The following MPP7 variants were observed in gnomAD, a reference collection of about 807,000 sequenced individuals.
MPP7 encodes MAGUK p55 scaffold protein 7.
MPP7 carries 60 observed loss-of-function variants against 76.5 expected under a neutral mutation model. The observed-to-expected ratio is 0.78, with a 90% CI of 0.64 to 0.97. The LOEUF is 0.97. MPP7 is among the 50% of genes least tolerant of loss of function. The pLI is 0.00. For synonymous variants in MPP7, 237 were observed against 244.5 expected (o/e 0.97, Z 0.29); for missense variants, 641 against 694.0 (o/e 0.92, Z 0.86).
chr10:28,116,210 A>T (rs1194341281), intron 11 of MPP7, among the ~76,000 whole-genome samples: 2 of 152,194 alleles, frequency 1.3e-5, no homozygotes, highest in African/African-American at 4.8e-5. Context: ...ATTTGATGTC[A>T]TTAGGAAGAC....
At chr10:28,152,332 C>T (rs7920803) in intron 3 of MPP7, among the ~76,000 whole-genome samples, 65,190 of 151,896 alleles carry the variant, frequency 0.43, 17,880 homozygotes, top group East Asian at 0.92. Flanking sequence ...TTTACTTTAC[C>T]GCATCATTTT....
chr10:28,195,261 C>T (rs918368391), intron 3 of MPP7, among the ~76,000 whole-genome samples: 2 of 152,128 alleles, frequency 1.3e-5, no homozygotes, highest in African/African-American at 4.8e-5. Flanking sequence ...GGTGAAGATA[C>T]AGACAAATCA....
intron 2 of MPP7, among the ~76,000 whole-genome samples, chr10:28,232,473 A>G (rs2134115796): frequency 6.6e-6 from 1 of 152,306 alleles, no homozygotes; most frequent in East Asian, 1.9e-4. Context: ...GCAAGCAAAG[A>G]GTAGACAGCC....
chr10:28,123,079 C>T (rs1321555704), intron 8 of MPP7, among the ~76,000 whole-genome samples: 3 of 151,926 alleles, frequency 2.0e-5, no homozygotes, highest in African/African-American at 7.3e-5. Flanking sequence ...ATGAAATGTT[C>T]CACTGTTTTC....
rs919729423 is a variant in MPP7, at chr10:28,089,812, T to C, written c.982A>G (p.Arg328Gly). 4 of 1,576,628 alleles carry C rather than the reference T, an allele frequency of 2.5e-6. No individual in the cohort carries two copies. Among genetic ancestry groups the C allele is most frequent in the Non-Finnish European group, 3.5e-6 (4 of 1,150,282 alleles). ...SGFRKSFRLS[R>G]KDKKTNKSMY... is the part of the protein sequence containing the mutation. ...GATTTATTTGTTTTCTTATCTTTTCTACTAAGACGAAAACTTTTTCTAAAA... is the reference window on the plus strand; with the variant it reads ...GATTTATTTGTTTTCTTATCTTTTCCACTAAGACGAAAACTTTTTCTAAAA... Residue 328 changes from arginine to glycine, a missense_variant, in exon 12 of 17, where the codon AGA (arginine) becomes GGA (glycine). Physicochemically the swap from Arg to Gly is moderately radical, Grantham distance 125. Coordinates refer to ENST00000683449, the MANE Select transcript of MPP7 (RefSeq NM_001318170.2).
chr10:28,142,071 A>G (rs1402043586), intron 5 of MPP7, among the ~76,000 whole-genome samples: 2 of 152,200 alleles, frequency 1.3e-5, no homozygotes, highest in East Asian at 3.9e-4. Context: ...TTAAAAAGCC[A>G]AAAGAAAATA....
At chr10:28,212,671 G>A (rs1838178746) in intron 2 of MPP7, among the ~76,000 whole-genome samples, 1 of 152,290 alleles carries the variant, frequency 6.6e-6, no homozygotes, top group South Asian at 2.1e-4. Context: ...AAAGTTAGGC[G>A]ATGCAGAAGA....
intron 3 of MPP7, among the ~76,000 whole-genome samples, chr10:28,195,280 ATACAC>A (rs1324504656): frequency 1.3e-5 from 2 of 152,228 alleles, no homozygotes; most frequent in African/African-American, 4.8e-5. Context: ...CAGAACCCTT[ATACAC>A]TGCTGGTGGG....
chr10:28,200,629 T>C (rs1837740357), intron 3 of MPP7, among the ~76,000 whole-genome samples: 1 of 152,212 alleles, frequency 6.6e-6, no homozygotes, highest in Admixed American at 6.5e-5. Context: ...TTTTGGTCTT[T>C]AGCGTGCTAC....
Position 28,069,871 on chromosome 10 carries a change from G to T in MPP7, c.1124-19C>A, listed in dbSNP as rs1364094772. The T allele has an allele frequency of 3.8e-6, 6 of 1,597,632 alleles. No homozygotes were observed. Among genetic ancestry groups the T allele is most frequent in the Non-Finnish European group, 4.3e-6 (5 of 1,165,900 alleles). ...ACGGGACCTGAAAAACAGGGTAACA[G>T]AAATTCATTATTGGACAAAACACCA... On this transcript the variant is annotated intron_variant, in intron 12 of 16. Coordinates refer to ENST00000683449, the MANE Select transcript of MPP7 (RefSeq NM_001318170.2).
rs183067054 is a variant in MPP7, at chr10:28,329,486, G to C, written c.-132+443C>G. On this transcript the variant is annotated intron_variant, in intron 2 of 11. Transcript: ENST00000441595. ...TACTAAAAATACAAAAAAATTAGCT[G>C]GGCGTGGTGGTGGGTTCCTGTAGTC... Among the ~76,000 whole-genome samples the C allele has an allele frequency of 1.5e-3, 235 of 152,148 alleles. 1 individual carries two copies. The highest frequency in any genetic ancestry group is 5.2e-3 in the African/African-American group (214 of 41,526).
chr10:28,163,734 G>C (rs1836344174), intron 3 of MPP7, among the ~76,000 whole-genome samples: 1 of 151,986 alleles, frequency 6.6e-6, no homozygotes, highest in Non-Finnish European at 1.5e-5. Context: ...GATCACCTGA[G>C]GTCAGGAGTT....
chr10:28,231,877 C>T (rs1838896490), intron 2 of MPP7, among the ~76,000 whole-genome samples: 2 of 152,108 alleles, frequency 1.3e-5, no homozygotes, highest in Admixed American at 6.5e-5. Context: ...TACACGAGAC[C>T]AGCATGACTT....
At chr10:28,256,791 T>C (rs1201769984) in intron 1 of MPP7, among the ~76,000 whole-genome samples, 1 of 152,190 alleles carries the variant, frequency 6.6e-6, no homozygotes, top group Non-Finnish European at 1.5e-5. Context: ...TAATCTATCA[T>C]TGTACGCCAT....
chr10:28,111,435 A>C (rs898154652), intron 11 of MPP7, among the ~76,000 whole-genome samples: 1 of 152,238 alleles, frequency 6.6e-6, no homozygotes, highest in African/African-American at 2.4e-5. Context: ...GGGAAAAATA[A>C]CCAGAACAAA....
chr10:28,273,169 C>T (rs1326700678), intron 1 of MPP7, among the ~76,000 whole-genome samples: 1 of 152,174 alleles, frequency 6.6e-6, no homozygotes, highest in Non-Finnish European at 1.5e-5. Flanking sequence ...CCACCCACCT[C>T]GGCCTCCCAA....
chr10:28,265,101 GAT>G (rs1840105373), intron 1 of MPP7, among the ~76,000 whole-genome samples: 1 of 152,142 alleles, frequency 6.6e-6, no homozygotes, highest in Non-Finnish European at 1.5e-5. Flanking sequence ...AGAGACAAGA[GAT>G]AGGTCCCTGA....
At chr10:28,123,878 T>C (rs534546572) in intron 8 of MPP7, among the ~76,000 whole-genome samples, 153 bp downstream of exon 8, 1 of 152,250 alleles carries the variant, frequency 6.6e-6, no homozygotes, top group Non-Finnish European at 1.5e-5. Context: ...CATGAATAGA[T>C]TAAGATATTT....
At chr10:28,299,968 C>A (rs991367699) in intron 1 of MPP7, among the ~76,000 whole-genome samples, 5 of 151,918 alleles carry the variant, frequency 3.3e-5, no homozygotes, top group African/African-American at 1.2e-4. Context: ...AGGGTTTCAC[C>A]GTGTTAGCCA....
Sources: allele counts gnomAD v4.1 joint callset (sites outside exome capture counted in the v4.1 genomes callset), GRCh38; gene constraint gnomAD v4.1.1; transcripts MANE v1.5; gene names NCBI Gene and HGNC (gene_info 2026-07-23, HGNC 2026-07-21).